SLC4A5: variants seen among roughly 807,000 people sequenced by gnomAD.
SLC4A5 encodes solute carrier family 4 member 5, also known as electrogenic sodium bicarbonate cotransporter 4.
Under a neutral mutation model 120.4 loss-of-function variants are expected in SLC4A5, and 96 were observed. The observed-to-expected ratio is 0.80, with a 90% CI of 0.68 to 0.94. The LOEUF is 0.94. Ranked by LOEUF, SLC4A5 falls within the 40% of genes least tolerant of loss-of-function variation. SLC4A5 has a pLI of 0.00. For synonymous variants in SLC4A5, 550 were observed against 571.1 expected, an observed-to-expected ratio of 0.96 and a Z score of 0.53; for missense variants, 1,259 against 1,459.5, an observed-to-expected ratio of 0.86 and a Z score of 2.24.
chr2:74,223,520 A>C (rs1358111321), intron 28 of SLC4A5, among the ~76,000 whole-genome samples: 2 of 152,232 alleles, frequency 1.3e-5, no homozygotes, highest in African/African-American at 4.8e-5. Flanking sequence ...CTGTCACAGC[A>C]ACCAGTCACT....
intron 21 of SLC4A5, among the ~76,000 whole-genome samples, chr2:74,237,243 T>G (rs1670298302): frequency 6.6e-6 from 1 of 152,234 alleles, no homozygotes; most frequent in Non-Finnish European, 1.5e-5. Context: ...CCCAAAGTGC[T>G]GGGATTACAG....
intron 5 of SLC4A5, among the ~76,000 whole-genome samples, chr2:74,318,255 G>A (rs1485519767): frequency 6.6e-6 from 1 of 152,130 alleles, no homozygotes; most frequent in African/African-American, 2.4e-5. Flanking sequence ...CAAAGGACAT[G>A]AACAGATATT....
chr2:74,248,363 C>T (rs144039767), exon 18 of SLC4A5: 27 of 1,613,888 alleles, frequency 1.7e-5, no homozygotes, highest in East Asian at 8.9e-5. Flanking sequence ...TTGCTGAAGT[C>T]GAAGAGGAGC....
At chr2:74,253,894 TTGAGAG>T (rs1388364155) in intron 14 of SLC4A5, among the ~76,000 whole-genome samples, 2 of 152,212 alleles carry the variant, frequency 1.3e-5, no homozygotes, top group African/African-American at 4.8e-5. Flanking sequence ...TTTTCAATGA[TTGAGAG>T]TTAGTGTATT....
At chr2:74,259,372 C>T (rs985139976) in intron 12 of SLC4A5, among the ~76,000 whole-genome samples, 5 of 152,162 alleles carry the variant, frequency 3.3e-5, no homozygotes, top group Non-Finnish European at 5.9e-5. Flanking sequence ...ACCCCCAGGG[C>T]CTGACACAGA....
At chr2:74,262,364 T>TA in intron 10 of SLC4A5, 132 bp from the exon 11 acceptor site, 1 of 122,708 alleles carries the variant, frequency 8.1e-6, no homozygotes, top group African/African-American at 3.5e-5. Context: ...GAAGAAATTC[T>TA]TTTTTTTTTT....
At chr2:74,243,497 A>G (rs112086699) in intron 19 of SLC4A5, among the ~76,000 whole-genome samples, 6 of 152,208 alleles carry the variant, frequency 3.9e-5, no homozygotes, top group Non-Finnish European at 8.8e-5. Flanking sequence ...GGAAGGCTTC[A>G]TTTATTAGAA....
intron 30 of SLC4A5, among the ~76,000 whole-genome samples, chr2:74,220,184 C>A (rs1178135132): frequency 6.6e-6 from 1 of 152,204 alleles, no homozygotes; most frequent in Non-Finnish European, 1.5e-5. Context: ...CTAAATTCAT[C>A]TTTTCTGTGT....
At chr2:74,317,247 A>C (rs1157269103) in intron 5 of SLC4A5, among the ~76,000 whole-genome samples, 1 of 152,124 alleles carries the variant, frequency 6.6e-6, no homozygotes, top group African/African-American at 2.4e-5. Flanking sequence ...AAATGCATAG[A>C]TCATGTGATC....
intron 21 of SLC4A5, among the ~76,000 whole-genome samples, chr2:74,237,689 A>G (rs1366374668): frequency 1.3e-5 from 2 of 152,184 alleles, no homozygotes; most frequent in East Asian, 1.9e-4. Flanking sequence ...GGTGGGAAAG[A>G]GTTGCTTAAA....
At chr2:74,282,546 A>C (rs1671846258) in intron 8 of SLC4A5, among the ~76,000 whole-genome samples, 1 of 152,134 alleles carries the variant, frequency 6.6e-6, no homozygotes, top group Non-Finnish European at 1.5e-5. Context: ...TAACTGCCAG[A>C]CCCCTTTATG....
intron 8 of SLC4A5, among the ~76,000 whole-genome samples, chr2:74,280,106 C>A (rs1394965787): frequency 6.6e-6 from 1 of 152,194 alleles, no homozygotes; most frequent in Non-Finnish European, 1.5e-5. Context: ...AACACTGCAA[C>A]ATGGCTGGCA....
chr2:74,233,977 T>C (rs537273649), intron 22 of SLC4A5, among the ~76,000 whole-genome samples: 2 of 152,222 alleles, frequency 1.3e-5, no homozygotes, highest in South Asian at 2.1e-4. Flanking sequence ...GGGAGCATTA[T>C]AGAATTGTCT....
chr2:74,289,570 G>A (rs1361824269), intron 7 of SLC4A5, among the ~76,000 whole-genome samples: 1 of 152,146 alleles, frequency 6.6e-6, no homozygotes, highest in Non-Finnish European at 1.5e-5. Flanking sequence ...ACCTGCTTCA[G>A]CCTCCTAAAG....
At chr2:74,326,985 C>T (rs1673232478) in intron 5 of SLC4A5, among the ~76,000 whole-genome samples, 1 of 152,142 alleles carries the variant, frequency 6.6e-6, no homozygotes, top group South Asian at 2.1e-4. Context: ...ATAGAATCAT[C>T]TGGTGTTTAG....
At chr2:74,303,610 C>A (rs970649506) in intron 7 of SLC4A5, among the ~76,000 whole-genome samples, 3 of 152,090 alleles carry the variant, frequency 2.0e-5, no homozygotes, top group African/African-American at 7.2e-5. Context: ...TAGGAAAGAG[C>A]AAAAGACTGA....
intron 26 of SLC4A5, 118 bp from the exon 27 acceptor site, chr2:74,227,248 C>T: frequency 8.3e-7 from 1 of 1,202,502 alleles, no homozygotes; most frequent in Non-Finnish European, 1.1e-6. Context: ...CCTGCTCAGG[C>T]CTTAAGGATG....
intron 12 of SLC4A5, among the ~76,000 whole-genome samples, chr2:74,257,011 C>T (rs1670988926): frequency 6.6e-6 from 1 of 152,158 alleles, no homozygotes; most frequent in South Asian, 2.1e-4. Context: ...CGGGCACAGG[C>T]CTGTTTCTCA....
chr2:74,253,001 G>T, exon 15 of SLC4A5: 1 of 1,614,134 alleles, frequency 6.2e-7, no homozygotes, highest in South Asian at 1.1e-5. Flanking sequence ...CACCTTCTTG[G>T]GGGGCTCAAT....
Sources: allele counts gnomAD v4.1 joint callset (sites outside exome capture counted in the v4.1 genomes callset), GRCh38; gene constraint gnomAD v4.1.1; transcripts MANE v1.5; gene names NCBI Gene and HGNC (gene_info 2026-07-23, HGNC 2026-07-21).